TMEM63B: variants seen among roughly 807,000 people sequenced by gnomAD.
The protein encoded by TMEM63B is mechanosensitive cation channel TMEM63B.
A neutral mutation model predicts 102.6 loss-of-function variants in TMEM63B; 23 were observed. The ratio of observed to expected loss-of-function variants is 0.22; its 90% CI spans 0.16 to 0.32. TMEM63B has a LOEUF of 0.32. Among genes scored for constraint, TMEM63B ranks in the 10% least tolerant of loss-of-function variants. The pLI, the probability that TMEM63B is intolerant of heterozygous loss-of-function variation, is 1.00. For synonymous variants in TMEM63B, 444 were observed against 437.0 expected, an observed-to-expected ratio of 1.02 and a Z score of -0.20; for missense variants, 628 against 1,095.9, an observed-to-expected ratio of 0.57 and a Z score of 6.03.
intron 7 of TMEM63B, 43 bp from the exon 8 acceptor site, chr6:44,139,665 G>A: frequency 6.2e-7 from 1 of 1,614,130 alleles, no homozygotes; most frequent in Non-Finnish European, 8.5e-7. Flanking sequence ...GAGGGGATGT[G>A]CCCTGACCCC....
chr6:44,150,613 G>A lies in TMEM63B; in HGVS notation c.1657G>A (p.Ala553Thr). Reference protein sequence around the residue: ...WLFDKKFLAEAAIRFECVFLP... With the variant: ...WLFDKKFLAETAIRFECVFLP... ...CTTTGATAAGAAATTCTTGGCTGAG[G>A]CAGCTATTCGGTTTGAGTGAGTGAC... Residue 553 changes from alanine to threonine, a missense_variant, in exon 18 of 24, where the codon GCA becomes ACA. Physicochemically the swap from Ala to Thr is moderately conservative, Grantham distance 58. Transcript: ENST00000323267. This position sits in a 1 kb window ranked among gnomAD's most constrained non-coding sequence, Gnocchi z 4.7. 2 of 1,614,130 alleles carry A rather than the reference G, an allele frequency of 1.2e-6. No individual in the cohort carries two copies. Among genetic ancestry groups the A allele is most frequent in the Non-Finnish European group, 1.7e-6 (2 of 1,179,998 alleles).
chr6:44,132,418 T>C (rs2128221852), intron 1 of TMEM63B: 1 of 766,642 alleles, frequency 1.3e-6, no homozygotes, highest in Non-Finnish European at 1.6e-6. Flanking sequence ...AATGGTACTC[T>C]GGGGCTTGTT....
chr6:44,148,088 A>C lies in TMEM63B; in HGVS notation c.988-164A>C, dbSNP rs1310189157. Among the ~76,000 whole-genome samples, 1 of 151,042 alleles carries C rather than the reference A, an allele frequency of 6.6e-6. No homozygotes were observed. The highest frequency in any genetic ancestry group is 1.5e-5 in the Non-Finnish European group (1 of 67,782). On this transcript the variant is annotated intron_variant, in intron 12 of 23. Transcript: ENST00000323267. The surrounding 1 kb of genome is among the most constrained non-coding windows in gnomAD (Gnocchi z 5.1). ...CAGTGAGCTGAGATTCCACCACTAC[A>C]CTCCAGCCTGGGCATCAGAGCGAGA... is the stretch of plus-strand genomic sequence containing the variant.
chr6:44,148,573 C>A lies in TMEM63B; in HGVS notation c.1182C>A (p.Arg394=). The change falls in exon 14 of 24, where the codon CGC becomes CGA. Residue 394 remains arginine (R), a synonymous_variant. Coordinates refer to ENST00000323267, the MANE Select transcript of TMEM63B (RefSeq NM_018426.3). This position sits in a 1 kb window ranked among gnomAD's most constrained non-coding sequence, Gnocchi z 5.1. ...CQGCTCRGEP[R]PSSCSESLHI... The stretch of plus-strand genomic sequence containing the variant: ...GCTGCACCTGCCGTGGGGAGCCACG[C>A]CCCTCATCCTGCAGCGAGTCCCTGC... 2 of 1,614,244 alleles carry A rather than the reference C, an allele frequency of 1.2e-6. No homozygotes were observed. Among genetic ancestry groups the A allele is most frequent in the Non-Finnish European group, 1.7e-6 (2 of 1,180,044 alleles).
intron 6 of TMEM63B, 61 bp from the exon 7 acceptor site, chr6:44,139,406 T>G (rs766705588): frequency 5.0e-6 from 8 of 1,592,878 alleles, no homozygotes; most frequent in Admixed American, 1.7e-5. Flanking sequence ...GCAGGCAAGT[T>G]GCAGCCCCCT....
At position 44,154,057 on chromosome 6, in the gene TMEM63B, T is replaced by TGCCCCCCAACACCAGGGTTCCTA. The variant is rs1767445928; in HGVS notation, c.2111-13_2120dup. The TGCCCCCCAACACCAGGGTTCCTA allele has an allele frequency of 6.2e-7, 1 of 1,611,938 alleles. No homozygotes were observed. The highest frequency in any genetic ancestry group is 8.5e-7 in the Non-Finnish European group (1 of 1,178,132). On this transcript the variant is annotated splice_polypyrimidine_tract_variant and intron_variant, in intron 21 of 23. Coordinates refer to ENST00000323267, the MANE Select transcript of TMEM63B (RefSeq NM_018426.3). Reference sequence around the variant, plus strand: ...CACAGGAGATAGCAACCCCATTCTTTGCCCCCCAACACCAGGGTTCCTAGC... The same window carrying TGCCCCCCAACACCAGGGTTCCTA: ...CACAGGAGATAGCAACCCCATTCTTTGCCCCCCAACACCAGGGTTCCTAGCCCCCCAACACCAGGGTTCCTAGC...
Position 44,134,446 on chromosome 6 carries a change from C to T in TMEM63B, c.-24-115C>T, listed in dbSNP as rs755969757. 3.0e-4 allele frequency: 333 copies of T among 1,099,674 alleles called. 1 individual carries two copies. Among genetic ancestry groups the T allele is most frequent in the Middle Eastern group, 1.2e-3 (4 of 3,380 alleles). 68.1% of individuals were successfully genotyped at this position (1,099,674 alleles called of 1,614,324 possible). On this transcript the variant is annotated intron_variant, in intron 1 of 23. Transcript: ENST00000323267. ...CCCTTATCTCCAGAGGCCAGAGCTT[C>T]CATCCACCCAGGCAGCCTGGTGATC...
Position 44,154,724 on chromosome 6 carries a change from G to A in TMEM63B, c.2340G>A (p.Glu780=). Residue 780 remains glutamate, a synonymous_variant, in exon 24 of 24, where the codon GAG becomes GAA. Transcript: ENST00000323267. ...KYIAQVLQDS[E]VDGDGDGAPG... ...TCGCTCAGGTGCTGCAGGACTCAGAGGTGGACGGGGATGGGGATGGGGCTC... is the reference window on the plus strand; with the variant it reads ...TCGCTCAGGTGCTGCAGGACTCAGAAGTGGACGGGGATGGGGATGGGGCTC... 1 of 1,580,146 alleles carries A rather than the reference G, an allele frequency of 6.3e-7. No homozygotes were observed. Among genetic ancestry groups the A allele is most frequent in the Non-Finnish European group, 8.6e-7 (1 of 1,165,660 alleles).
In TMEM63B at chr6:44,150,130, A is replaced by G; in HGVS notation, c.1521-94A>G. On this transcript the variant is annotated intron_variant, in intron 16 of 23. Transcript: ENST00000323267. This position sits in a 1 kb window ranked among gnomAD's most constrained non-coding sequence, Gnocchi z 4.7. The stretch of plus-strand genomic sequence containing the variant: ...TCACCTTGGGAGGCCCACCCTTCCC[A>G]GGGGACACTCCTTGGACATTGTCCT... 7.1e-7 allele frequency: 1 copy of G among 1,414,632 alleles called. No homozygotes were observed. The highest frequency in any genetic ancestry group is 9.9e-7 in the Non-Finnish European group (1 of 1,015,108). 87.6% of individuals were successfully genotyped at this position (1,414,632 alleles called of 1,614,324 possible). A position where few individuals can be genotyped will look rare whatever the true frequency, so the allele number is the denominator to read the frequency against.
intron 6 of TMEM63B, 199 bp downstream of exon 6, chr6:44,138,716 T>G: frequency 8.1e-6 from 3 of 372,514 alleles, no homozygotes; most frequent in Non-Finnish European, 1.0e-5. Flanking sequence ...CCCCATAATC[T>G]CCTCTGTGAC....
At position 44,155,050 on chromosome 6, in the gene TMEM63B, G is replaced by A; in HGVS notation, c.*167G>A. 1.5e-6 allele frequency: 1 copy of A among 663,858 alleles called. No individual in the cohort carries two copies. Among genetic ancestry groups the A allele is most frequent in the Non-Finnish European group, 2.3e-6 (1 of 437,248 alleles). 41.1% of individuals were successfully genotyped at this position (663,858 alleles called of 1,614,324 possible). A position where few individuals can be genotyped will look rare whatever the true frequency, so the allele number is the denominator to read the frequency against. On this transcript the variant is annotated 3_prime_UTR_variant, in exon 24 of 24. Transcript: ENST00000323267. ...TTCACTGCTCTCCCCCATGATGGAG[G>A]GAGGGAGCCCCCCAACCTCAGTGAG...
chr6:44,132,264 A>G (rs1401086166), intron 1 of TMEM63B: 3 of 985,280 alleles, frequency 3.0e-6, no homozygotes, highest in Non-Finnish European at 2.4e-6. Flanking sequence ...TTGTGACCCC[A>G]AGGAGGCGGA....
chr6:44,140,772 C>T (rs1764076264), intron 9 of TMEM63B, among the ~76,000 whole-genome samples: 1 of 152,120 alleles, frequency 6.6e-6, no homozygotes, highest in Non-Finnish European at 1.5e-5. Context: ...CTCTATAACC[C>T]CTCAAGAGCA....
intron 5 of TMEM63B, among the ~76,000 whole-genome samples, chr6:44,137,675 G>A (rs1763247252): frequency 6.6e-6 from 1 of 151,746 alleles, no homozygotes; most frequent in Non-Finnish European, 1.5e-5. Context: ...CATGCCTGGA[G>A]GGTGGAGGGG....
At chr6:44,139,413 C>A (rs575197570) in intron 6 of TMEM63B, 54 bp from the exon 7 acceptor site, 2 of 1,598,434 alleles carry the variant, frequency 1.3e-6, no homozygotes, top group Admixed American at 1.7e-5. Flanking sequence ...AGTTGCAGCC[C>A]CCTTCTTGCC....
chr6:44,139,783 A>G (rs1361893824), intron 8 of TMEM63B, 24 bp downstream of exon 8: 2 of 1,614,160 alleles, frequency 1.2e-6, no homozygotes, highest in South Asian at 2.2e-5. Context: ...CTGGTCGGCC[A>G]GGCCAAGGTC....
rs753968860 is a variant in TMEM63B, at chr6:44,152,646, C to T, written c.1890C>T (p.Val630=). 2 of 1,608,604 alleles carry T rather than the reference C, an allele frequency of 1.2e-6. No individual in the cohort carries two copies. Among genetic ancestry groups the T allele is most frequent in the Admixed American group, 3.3e-5 (2 of 60,016 alleles). Residue 630 remains valine, a synonymous_variant, in exon 20 of 24, where the codon GTC becomes GTT. Transcript: ENST00000323267. This position sits in a 1 kb window ranked among gnomAD's most constrained non-coding sequence, Gnocchi z 6.4. ...CAGCCTACGCCTGGATGATGTGCGT[C>T]TTCACGGTGGTCATGACCTACAGTA... is the stretch of plus-strand genomic sequence containing the variant. The part of the protein sequence containing the change: ...FGAAYAWMMC[V]FTVVMTYSIT...
chr6:44,145,741 G>A (rs1410383356), intron 10 of TMEM63B, among the ~76,000 whole-genome samples: 1 of 152,216 alleles, frequency 6.6e-6, no homozygotes, highest in East Asian at 1.9e-4. Context: ...TTCAAGACCA[G>A]CCTGGGCAAT....
chr6:44,151,051 G>A (rs1766494540), intron 18 of TMEM63B, among the ~76,000 whole-genome samples: 3 of 152,054 alleles, frequency 2.0e-5, no homozygotes, highest in Admixed American at 1.3e-4. Context: ...AGGCTACTAG[G>A]GGTATCCCTG....
Sources: gnomAD v4.1 joint callset for allele counts (sites outside exome capture counted in the v4.1 genomes callset) on GRCh38, gnomAD v4.1.1 for gene constraint, Gnocchi (gnomAD v3.1) non-coding constraint, MANE v1.5 for transcripts, NCBI Gene and HGNC (gene_info 2026-07-23, HGNC 2026-07-21) for gene names.